The following ITPRID1 variants were observed in gnomAD, a reference collection of about 807,000 sequenced individuals.
The protein encoded by ITPRID1 is ITPR interacting domain containing 1.
A neutral mutation model predicts 95.4 loss-of-function variants in ITPRID1; 96 were observed. The ratio of observed to expected loss-of-function variants is 1.01; its 90% CI spans 0.85 to 1.19. The LOEUF (loss-of-function observed/expected upper bound fraction) is 1.19, where lower values mean the gene tolerates loss of function less well. Among genes scored for constraint, ITPRID1 ranks in the 50% most tolerant of loss-of-function variants. The pLI, the probability that ITPRID1 is intolerant of heterozygous loss-of-function variation, is 0.00. For synonymous variants in ITPRID1, 510 were observed against 453.6 expected (o/e 1.12, Z -1.58); for missense variants, 1,339 against 1,252.9 (o/e 1.07, Z -1.04).
intron 10 of ITPRID1, among the ~76,000 whole-genome samples, chr7:31,637,105 A>C (rs1190227291): frequency 6.6e-6 from 1 of 151,926 alleles, no homozygotes; most frequent in East Asian, 1.9e-4. Flanking sequence ...CATGGTGTAT[A>C]TGTGCCACAT....
At chr7:31,595,031 A>G (rs1786022817) in intron 10 of ITPRID1, among the ~76,000 whole-genome samples, 2 of 151,062 alleles carry the variant, frequency 1.3e-5, no homozygotes, top group Non-Finnish European at 3.0e-5. Flanking sequence ...TTATTAAAAT[A>G]TCTAACAACA....
intron 1 of ITPRID1, among the ~76,000 whole-genome samples, chr7:31,514,905 T>G (rs1782999426): frequency 6.6e-6 from 1 of 151,688 alleles, no homozygotes; most frequent in South Asian, 2.1e-4. Context: ...ATATATAAAA[T>G]AAAAGCAATT....
At chr7:31,618,932 T>C (rs1158167707) in intron 10 of ITPRID1, among the ~76,000 whole-genome samples, 1 of 152,238 alleles carries the variant, frequency 6.6e-6, no homozygotes, top group Non-Finnish European at 1.5e-5. Flanking sequence ...GTTTATCATA[T>C]GTGTCGAGAG....
intron 1 of ITPRID1, among the ~76,000 whole-genome samples, chr7:31,530,712 A>C (rs2191340): frequency 6.6e-6 from 1 of 151,792 alleles, no homozygotes; most frequent in African/African-American, 2.4e-5. Flanking sequence ...TTGTCTTATT[A>C]TACAGTATTG....
At chr7:31,552,056 C>G in intron 2 of ITPRID1, 1 of 330,422 alleles carries the variant, frequency 3.0e-6, no homozygotes, top group South Asian at 2.4e-5. Flanking sequence ...GGCCCTTGTT[C>G]TCATGGTGCT....
At chr7:31,581,975 C>T (rs951840023) in intron 9 of ITPRID1, among the ~76,000 whole-genome samples, 7 of 152,138 alleles carry the variant, frequency 4.6e-5, no homozygotes, top group African/African-American at 1.7e-4. Context: ...TATGGTTGAG[C>T]TATATTCTCA....
chr7:31,566,452 T>C (rs535660272), intron 5 of ITPRID1, among the ~76,000 whole-genome samples: 1 of 152,248 alleles, frequency 6.6e-6, no homozygotes, highest in South Asian at 2.1e-4. Flanking sequence ...CCTAGAACCA[T>C]GCAATGTTTT....
At chr7:31,641,503 T>C (rs1790015554) in intron 10 of ITPRID1, among the ~76,000 whole-genome samples, 1 of 152,204 alleles carries the variant, frequency 6.6e-6, no homozygotes, top group Admixed American at 6.5e-5. Flanking sequence ...ATTTAATCTT[T>C]AGCATGGTGA....
intron 10 of ITPRID1, among the ~76,000 whole-genome samples, chr7:31,624,928 A>G (rs1788302417): frequency 6.6e-6 from 1 of 152,226 alleles, no homozygotes; most frequent in African/African-American, 2.4e-5. Context: ...ATTTACAAGA[A>G]AAAAACAAAC....
At chr7:31,607,410 G>T (rs1416202658) in intron 10 of ITPRID1, among the ~76,000 whole-genome samples, 1 of 152,062 alleles carries the variant, frequency 6.6e-6, no homozygotes, top group Non-Finnish European at 1.5e-5. Flanking sequence ...TAAACATTCT[G>T]AAAATGTTTA....
intron 10 of ITPRID1, among the ~76,000 whole-genome samples, chr7:31,593,460 A>G (rs906003782): frequency 6.6e-6 from 1 of 152,232 alleles, no homozygotes; most frequent in African/African-American, 2.4e-5. Context: ...GTGAATGGAA[A>G]TACATAGGCA....
downstream of ITPRID1, chr7:31,658,259 A>G: frequency 6.7e-7 from 1 of 1,491,362 alleles, no homozygotes; most frequent in Non-Finnish European, 8.8e-7. Context: ...TTTAACACAT[A>G]TTCTCTTATA....
chr7:31,593,376 A>G (rs774936317), intron 10 of ITPRID1, among the ~76,000 whole-genome samples: 16 of 152,198 alleles, frequency 1.1e-4, no homozygotes, highest in Non-Finnish European at 2.1e-4. Context: ...CGTCTAATAT[A>G]TAAAGGCTGA....
intron 5 of ITPRID1, among the ~76,000 whole-genome samples, chr7:31,558,301 C>T (rs1413202697): frequency 6.6e-6 from 1 of 152,138 alleles, no homozygotes; most frequent in Non-Finnish European, 1.5e-5. Context: ...GTTATAGCAG[C>T]AGAAAATAGG....
intron 1 of ITPRID1, among the ~76,000 whole-genome samples, chr7:31,533,618 C>G (rs1783669371): frequency 6.6e-6 from 1 of 152,128 alleles, no homozygotes; most frequent in African/African-American, 2.4e-5. Flanking sequence ...GCACTTTCCT[C>G]TAATTACTTC....
intron 10 of ITPRID1, among the ~76,000 whole-genome samples, chr7:31,614,639 TTAACTGAGA>T (rs1292149353): frequency 1.3e-5 from 2 of 152,194 alleles, no homozygotes; most frequent in African/African-American, 4.8e-5. Flanking sequence ...AATTAATTGA[TTAACTGAGA>T]TAATTTCACG....
intron 10 of ITPRID1, among the ~76,000 whole-genome samples, chr7:31,599,650 T>C (rs879535247): frequency 0.25 from 10,230 of 41,478 alleles, 674 homozygotes; most frequent in African/African-American, 0.28. Context: ...TCTTTCTTTT[T>C]CTTTCTTTCC....
chr7:31,517,235 AGCTGATTGGTCCATTTTACACAGC>A (rs1339597758), intron 1 of ITPRID1: 6 of 152,020 alleles, frequency 3.9e-5, no homozygotes, highest in Non-Finnish European at 7.4e-5. Context: ...TTTTACAGAG[AGCTGATTGGTCCATTTTACACAGC>A]GCTGATTAGT....
intron 12 of ITPRID1, among the ~76,000 whole-genome samples, chr7:31,646,466 G>GA: frequency 6.6e-6 from 1 of 152,024 alleles, no homozygotes; most frequent in South Asian, 2.1e-4. Flanking sequence ...GGCCCTGGGG[G>GA]AAAAGGCACA....
Sources: gnomAD v4.1 joint callset for allele counts (sites outside exome capture counted in the v4.1 genomes callset) on GRCh38, gnomAD v4.1.1 for gene constraint, MANE v1.5 for transcripts, NCBI Gene and HGNC (gene_info 2026-07-23, HGNC 2026-07-21) for gene names.